The following CFAP299 variants were observed in gnomAD, a reference collection of about 807,000 sequenced individuals.
The protein encoded by CFAP299 is cilia and flagella associated protein 299.
Under a neutral mutation model 27.0 loss-of-function variants are expected in CFAP299, and 21 were observed. That is an observed-to-expected ratio of 0.78 (90% CI 0.55 to 1.12). The LOEUF (loss-of-function observed/expected upper bound fraction) is 1.12, where lower values mean the gene tolerates loss of function less well. CFAP299 is among the 50% of genes most tolerant of loss of function. CFAP299 has a pLI of 0.00. For missense variants in CFAP299, 310 were observed against 276.6 expected (o/e 1.12, Z -0.86); for synonymous variants, 104 against 98.1 (o/e 1.06, Z -0.36).
At position 80,441,119 on chromosome 4, in the gene CFAP299, T is replaced by C. The variant is rs367726853; in HGVS notation, c.242+78235T>C. Reference sequence around the variant, plus strand: ...AAGTGACAGGGAGAATGGAACCCAGTTGGAAAACACTTCAGGATATTATCC... The same window carrying C: ...AAGTGACAGGGAGAATGGAACCCAGCTGGAAAACACTTCAGGATATTATCC... On this transcript the variant is annotated intron_variant, in intron 2 of 5. Coordinates refer to ENST00000358105, the MANE Select transcript of CFAP299 (RefSeq NM_152770.3). Among the ~76,000 whole-genome samples the C allele has an allele frequency of 3.3e-5, 5 of 152,190 alleles. 1 individual carries two copies. In the East Asian group the frequency reaches 5.8e-4, roughly 18 times the overall value.
rs561065081 is a variant in CFAP299, at chr4:80,891,795, A to T, written c.476+21660A>T. Among the ~76,000 whole-genome samples the T allele has an allele frequency of 2.8e-3, 389 of 141,382 alleles. 3 individuals carry two copies. The highest frequency in any genetic ancestry group is 4.5e-3 in the Non-Finnish European group (299 of 65,718). 92.8% of individuals were successfully genotyped at this position (141,382 alleles called of 152,430 possible). A position where few individuals can be genotyped will look rare whatever the true frequency, so the allele number is the denominator to read the frequency against. Reference sequence around the variant, plus strand: ...AAAAAAATTAAAAAAAAAATAAAAAAAAAAATAAAAGCTTTGAGAAGCCCT... The same window carrying T: ...AAAAAAATTAAAAAAAAAATAAAAATAAAAATAAAAGCTTTGAGAAGCCCT... On this transcript the variant is annotated intron_variant, in intron 4 of 5. Transcript: ENST00000358105.
At chr4:80,365,090 G>A (rs760353835) in intron 2 of CFAP299, among the ~76,000 whole-genome samples, 3 of 152,074 alleles carry the variant, frequency 2.0e-5, no homozygotes, top group Non-Finnish European at 4.4e-5. Flanking sequence ...CTTTATAATA[G>A]AATGATTTAT....
At chr4:80,482,297 T>A (rs1730603327) in intron 2 of CFAP299, among the ~76,000 whole-genome samples, 1 of 152,050 alleles carries the variant, frequency 6.6e-6, no homozygotes, top group Non-Finnish European at 1.5e-5. Flanking sequence ...TGTGAAAAAT[T>A]CAGAGTGAAA....
intron 3 of CFAP299, among the ~76,000 whole-genome samples, chr4:80,798,560 C>T (rs1022506405): frequency 6.6e-6 from 1 of 152,100 alleles, no homozygotes; most frequent in Admixed American, 6.6e-5. Context: ...TGCAGGTCAG[C>T]CACTTGCATG....
intron 2 of CFAP299, among the ~76,000 whole-genome samples, chr4:80,503,642 A>C (rs1175657634): frequency 6.6e-6 from 1 of 152,140 alleles, no homozygotes; most frequent in Non-Finnish European, 1.5e-5. Context: ...CAAAAGGCCT[A>C]GAACGGTGGC....
intron 2 of CFAP299, among the ~76,000 whole-genome samples, chr4:80,456,125 G>A (rs1220031331): frequency 1.3e-5 from 2 of 152,072 alleles, no homozygotes; most frequent in Non-Finnish European, 2.9e-5. Flanking sequence ...AAGGTAGCAA[G>A]CCATGAGATA....
At chr4:80,480,638 G>T (rs1464553094) in intron 2 of CFAP299, among the ~76,000 whole-genome samples, 2 of 151,974 alleles carry the variant, frequency 1.3e-5, no homozygotes, top group African/African-American at 4.8e-5. Flanking sequence ...TCTGCTCAGA[G>T]ATTTTTTAGG....
chr4:80,845,285 T>G (rs1332174649), intron 3 of CFAP299, among the ~76,000 whole-genome samples: 1 of 151,470 alleles, frequency 6.6e-6, no homozygotes, highest in East Asian at 1.9e-4. Context: ...CACTGTTTTT[T>G]TTTTTTTTAA....
intron 4 of CFAP299, among the ~76,000 whole-genome samples, chr4:80,876,714 A>AT (rs879406819): frequency 2.6e-5 from 4 of 152,082 alleles, no homozygotes; most frequent in Admixed American, 2.6e-4. Flanking sequence ...CACTGCCATT[A>AT]TTTTTTTTAA....
At position 80,692,867 on chromosome 4, in the gene CFAP299, C is replaced by T. The variant is rs1241170864; in HGVS notation, c.333+109684C>T. ...ATTTACAAGAAAAAAACAAACAACC[C>T]CATCAAAAAGTGGGTGAAGGACATG... On this transcript the variant is annotated intron_variant, in intron 3 of 5. Transcript: ENST00000358105. 3.9e-5 allele frequency among the ~76,000 whole-genome samples: 6 copies of T among 151,942 alleles called. No homozygotes were observed. The East Asian group carries it at 7.8e-4, about 20-fold the overall frequency.
chr4:80,613,374 G>A (rs1738098441), intron 3 of CFAP299, among the ~76,000 whole-genome samples: 1 of 151,988 alleles, frequency 6.6e-6, no homozygotes, highest in Middle Eastern at 3.2e-3. Flanking sequence ...TTATTTTACT[G>A]AATGATTTAA....
chr4:80,385,498 C>T (rs1451872031), intron 2 of CFAP299, among the ~76,000 whole-genome samples: 1 of 151,818 alleles, frequency 6.6e-6, no homozygotes, highest in African/African-American at 2.4e-5. Context: ...TGGCATATTT[C>T]ATCATACTGG....
In CFAP299 at chr4:80,896,589, A is replaced by G. The variant is rs1301627363; in HGVS notation, c.476+26454A>G. On this transcript the variant is annotated intron_variant, in intron 4 of 5. Transcript: ENST00000358105. ...ACAAGTAAATCCACAAAAAGAAGAT[A>G]AATGGAGTAAATTGGAAGTCTAATT... is the stretch of plus-strand genomic sequence containing the variant. Among the ~76,000 whole-genome samples the G allele has an allele frequency of 3.3e-5, 5 of 152,278 alleles. No homozygotes were observed. The South Asian group carries it at 6.2e-4, about 19-fold the overall frequency.
At chr4:80,943,088 T>C (rs1049507235) in intron 4 of CFAP299, among the ~76,000 whole-genome samples, 1 of 152,244 alleles carries the variant, frequency 6.6e-6, no homozygotes, top group African/African-American at 2.4e-5. Context: ...TAAAAGGCCA[T>C]GAATGCACAA....
At chr4:80,387,521 G>A (rs1406771099) in intron 2 of CFAP299, 1 of 849,882 alleles carries the variant, frequency 1.2e-6, no homozygotes, top group Non-Finnish European at 2.0e-6. Flanking sequence ...GGCGAGCTTG[G>A]TAGGGGCTGG....
chr4:80,875,155 A>G (rs945143968), intron 4 of CFAP299, among the ~76,000 whole-genome samples: 1 of 152,092 alleles, frequency 6.6e-6, no homozygotes, highest in African/African-American at 2.4e-5. Context: ...CAGAGGCTCA[A>G]TCTCACCCCA....
intron 3 of CFAP299, among the ~76,000 whole-genome samples, chr4:80,803,754 A>G (rs2110111807): frequency 6.7e-6 from 1 of 149,804 alleles, no homozygotes; most frequent in South Asian, 2.1e-4. Flanking sequence ...ATTTAACTAA[A>G]TATCTATAAA....
At chr4:80,909,374 A>T (rs1050266696) in intron 4 of CFAP299, among the ~76,000 whole-genome samples, 2 of 152,118 alleles carry the variant, frequency 1.3e-5, no homozygotes, top group Admixed American at 6.5e-5. Flanking sequence ...TAATTTAATT[A>T]TAATGACAAT....
At chr4:80,452,166 G>C (rs1272136255) in intron 2 of CFAP299, among the ~76,000 whole-genome samples, 1 of 151,936 alleles carries the variant, frequency 6.6e-6, no homozygotes, top group Non-Finnish European at 1.5e-5. Flanking sequence ...GTGCTGCCAG[G>C]TCATATTTGG....
Sources: allele counts gnomAD v4.1 joint callset (sites outside exome capture counted in the v4.1 genomes callset), GRCh38; gene constraint gnomAD v4.1.1; transcripts MANE v1.5; gene names NCBI Gene and HGNC (gene_info 2026-07-23, HGNC 2026-07-21).